The following NCK1 variants were observed in gnomAD, a reference collection of about 807,000 sequenced individuals.
NCK1 encodes NCK adaptor protein 1.
A neutral mutation model predicts 36.6 loss-of-function variants in NCK1; 19 were observed. The observed-to-expected ratio is 0.52, with a 90% CI of 0.36 to 0.76. The LOEUF is 0.76. Ranked by LOEUF, NCK1 falls within the 30% of genes least tolerant of loss-of-function variation. NCK1 has a pLI of 0.00. For synonymous variants in NCK1, 165 were observed against 156.0 expected, an observed-to-expected ratio of 1.06 and a Z score of -0.43; for missense variants, 358 against 445.6, an observed-to-expected ratio of 0.80 and a Z score of 1.77.
chr3:136,930,799 A>G (rs1370933206), intron 2 of NCK1, among the ~76,000 whole-genome samples: 1 of 152,230 alleles, frequency 6.6e-6, no homozygotes, highest in Non-Finnish European at 1.5e-5. Flanking sequence ...AAAATGTTTT[A>G]GCATGAATGT....
chr3:136,876,967 A>G (rs1276416806), intron 1 of NCK1, among the ~76,000 whole-genome samples: 2 of 152,174 alleles, frequency 1.3e-5, no homozygotes, highest in East Asian at 1.9e-4. Context: ...CCTTTACCAC[A>G]GTGTTTTTTA....
At chr3:136,943,770 T>A (rs1021724056) in intron 2 of NCK1, among the ~76,000 whole-genome samples, 1 of 152,176 alleles carries the variant, frequency 6.6e-6, no homozygotes, top group Non-Finnish European at 1.5e-5. Context: ...AGTAAACAAG[T>A]ACAATGCAGT....
intron 1 of NCK1, among the ~76,000 whole-genome samples, chr3:136,872,824 TTGGTGTTGATGCTGCAATG>T (rs1938664166): frequency 1.3e-5 from 2 of 152,150 alleles, no homozygotes; most frequent in Admixed American, 1.3e-4. Flanking sequence ...GCCCCAAGCC[TTGGTGTTGATGCTGCAATG>T]TGGTGTTGAT....
In NCK1 at chr3:136,877,850, A is replaced by C. The variant is rs147180625; in HGVS notation, c.-19+15497A>C. ...AGGAGGTGAGGGTGGTGCTAAAAAC[A>C]GGAGGATTTCTTGAAAATCTGTTTA... On this transcript the variant is annotated intron_variant, in intron 1 of 3. Coordinates refer to ENST00000481752, the MANE Select transcript of NCK1 (RefSeq NM_001291999.2). Among the ~76,000 whole-genome samples the C allele has an allele frequency of 4.8e-3, 734 of 152,250 alleles. 2 individuals carry two copies. Among genetic ancestry groups the C allele is most frequent in the Non-Finnish European group, 8.6e-3 (582 of 68,018 alleles).
At chr3:136,928,849 T>A in intron 2 of NCK1, 1 of 135,480 alleles carries the variant, frequency 7.4e-6, no homozygotes, top group South Asian at 2.3e-4. Flanking sequence ...GGGCAAGGAA[T>A]GGCCTCTTCT....
chr3:136,900,296 C>T (rs1470143543), intron 1 of NCK1, among the ~76,000 whole-genome samples: 3 of 152,098 alleles, frequency 2.0e-5, no homozygotes, highest in Admixed American at 1.3e-4. Context: ...TTCCATTAGT[C>T]TATGTGTCTG....
At chr3:136,905,856 C>T (rs1308481041) in intron 1 of NCK1, among the ~76,000 whole-genome samples, 1 of 152,066 alleles carries the variant, frequency 6.6e-6, no homozygotes, top group African/African-American at 2.4e-5. Flanking sequence ...AACCCCTAGG[C>T]TCAAGCAGTC....
intron 1 of NCK1, among the ~76,000 whole-genome samples, chr3:136,904,230 G>A (rs953080479): frequency 1.3e-5 from 2 of 152,002 alleles, no homozygotes; most frequent in African/African-American, 4.8e-5. Flanking sequence ...TCAGCTCACT[G>A]CAGCCTCTGC....
At chr3:136,863,492 G>A (rs1261271567) in intron 1 of NCK1, among the ~76,000 whole-genome samples, 1 of 152,120 alleles carries the variant, frequency 6.6e-6, no homozygotes, top group Non-Finnish European at 1.5e-5. Context: ...CTTGTGGGGG[G>A]TGGAGTCTGT....
Position 136,927,906 on chromosome 3 carries a change from T to C in NCK1, c.-18-78T>C, listed in dbSNP as rs544370520. ...TTTCATCTTTATGTCTTTAGATTTT[T>C]AGGTGTGTCTCTTTTGAAAAGCATG... On this transcript the variant is annotated intron_variant, in intron 1 of 3. Transcript: ENST00000481752. 21 of 1,007,328 alleles carry C rather than the reference T, an allele frequency of 2.1e-5. No individual in the cohort carries two copies. The South Asian group carries it at 3.1e-4, about 15-fold the overall frequency. The allele number at this position is 1,007,328 out of a possible 1,614,324, so 62.4% of individuals were successfully genotyped here.
intron 1 of NCK1, among the ~76,000 whole-genome samples, chr3:136,870,024 A>G (rs62410399): frequency 0.011 from 1,451 of 133,452 alleles, 12 homozygotes; most frequent in Non-Finnish European, 0.016. Flanking sequence ...GATGTTTCTC[A>G]AAAGTTTTTT....
intron 1 of NCK1, among the ~76,000 whole-genome samples, chr3:136,870,887 G>T (rs568122483): frequency 6.6e-6 from 1 of 152,196 alleles, no homozygotes; most frequent in African/African-American, 2.4e-5. Context: ...TTGGCTACTA[G>T]TATCAGACAG....
intron 1 of NCK1, among the ~76,000 whole-genome samples, chr3:136,897,211 C>T (rs1056411929): frequency 4.6e-5 from 7 of 152,136 alleles, no homozygotes; most frequent in African/African-American, 1.7e-4. Flanking sequence ...GTCTCAGCCT[C>T]CCAAGTAGCT....
chr3:136,890,394 C>A (rs1576955852), intron 1 of NCK1, among the ~76,000 whole-genome samples: 1 of 152,196 alleles, frequency 6.6e-6, no homozygotes, highest in African/African-American at 2.4e-5. Context: ...TCTACACCTC[C>A]CCCCAAGCTG....
At chr3:136,908,461 A>G (rs1022869468) in intron 1 of NCK1, among the ~76,000 whole-genome samples, 3 of 152,236 alleles carry the variant, frequency 2.0e-5, no homozygotes, top group African/African-American at 7.2e-5. Flanking sequence ...GTGAGGCCAC[A>G]GTGCCAGCAT....
intron 1 of NCK1, among the ~76,000 whole-genome samples, chr3:136,879,189 T>G (rs1399920824): frequency 6.6e-6 from 1 of 150,640 alleles, no homozygotes; most frequent in Non-Finnish European, 1.5e-5. Context: ...GTAAAGGAGT[T>G]CTTTCATAAA....
chr3:136,900,704 A>AT (rs375208462), intron 1 of NCK1, among the ~76,000 whole-genome samples: 69 of 150,934 alleles, frequency 4.6e-4, no homozygotes, highest in African/African-American at 1.1e-3. Context: ...TTGTATGTTG[A>AT]TTTTTTTTTA....
chr3:136,911,575 A>C (rs1939828399), intron 1 of NCK1, among the ~76,000 whole-genome samples: 1 of 152,094 alleles, frequency 6.6e-6, no homozygotes, highest in South Asian at 2.1e-4. Context: ...GCCTATTCTA[A>C]AACCAGGTTG....
chr3:136,950,627 A>G lies in NCK1; in HGVS notation c.*2174A>G, dbSNP rs1374238807. 1.3e-5 allele frequency among the ~76,000 whole-genome samples: 2 copies of G among 152,138 alleles called. No individual in the cohort carries two copies. The highest frequency in any genetic ancestry group is 2.9e-5 in the Non-Finnish European group (2 of 67,976). The stretch of plus-strand genomic sequence containing the variant: ...ACTTTAAGAACTGAAACAACCCTGG[A>G]AAACTCTACATAGCTAGATAGTAAC... On this transcript the variant is annotated 3_prime_UTR_variant, in exon 4 of 4. Transcript: ENST00000481752.
Sources: gnomAD v4.1 joint callset for allele counts (sites outside exome capture counted in the v4.1 genomes callset) on GRCh38, gnomAD v4.1.1 for gene constraint, MANE v1.5 for transcripts, NCBI Gene and HGNC (gene_info 2026-07-23, HGNC 2026-07-21) for gene names.